Variants in CNTNAP2 observed in about 807,000 individuals in gnomAD.
CNTNAP2 encodes contactin associated protein 2, also known as contactin-associated protein-like 2.
CNTNAP2 carries 98 observed loss-of-function variants against 155.2 expected under a neutral mutation model. That is an observed-to-expected ratio of 0.63 (90% confidence interval 0.54 to 0.75). The LOEUF (loss-of-function observed/expected upper bound fraction) is 0.75, where lower values mean the gene tolerates loss of function less well. CNTNAP2 is among the 30% of genes least tolerant of loss of function. CNTNAP2 has a pLI of 0.00. For missense variants in CNTNAP2, 1,727 were observed against 1,688.1 expected, an observed-to-expected ratio of 1.02 and a Z score of -0.40; for synonymous variants, 651 against 631.2, an observed-to-expected ratio of 1.03 and a Z score of -0.47.
chr7:147,174,637 G>A (rs544652963), intron 8 of CNTNAP2, among the ~76,000 whole-genome samples: 15 of 152,146 alleles, frequency 9.9e-5, no homozygotes, highest in South Asian at 4.1e-4. Context: ...CTGACTTTAC[G>A]GTGCTTTCTA....
chr7:148,349,476 A>C (rs865867532), intron 21 of CNTNAP2, among the ~76,000 whole-genome samples: 2 of 141,978 alleles, frequency 1.4e-5, no homozygotes, highest in Middle Eastern at 7.7e-3. Flanking sequence ...ATCTCGGCTC[A>C]CTGCAAGCTT....
At chr7:146,998,925 A>G (rs1168649264) in intron 3 of CNTNAP2, among the ~76,000 whole-genome samples, 1 of 151,934 alleles carries the variant, frequency 6.6e-6, no homozygotes, top group Non-Finnish European at 1.5e-5. Flanking sequence ...ATTTCAACAT[A>G]TAATTGAGTC....
intron 2 of CNTNAP2, among the ~76,000 whole-genome samples, chr7:146,831,986 A>G (rs532411302): frequency 1.3e-5 from 2 of 152,224 alleles, no homozygotes; most frequent in African/African-American, 4.8e-5. Context: ...GCCACTGCCA[A>G]TTTTCCTACT....
chr7:147,441,382 T>C (rs1421814971), intron 10 of CNTNAP2, among the ~76,000 whole-genome samples: 1 of 152,172 alleles, frequency 6.6e-6, no homozygotes, highest in African/African-American at 2.4e-5. Context: ...TGAATTTCTT[T>C]GAGTTTCCTC....
chr7:147,066,155 A>G (rs986598085), intron 4 of CNTNAP2, among the ~76,000 whole-genome samples: 6 of 152,230 alleles, frequency 3.9e-5, no homozygotes, highest in African/African-American at 1.2e-4. Flanking sequence ...CTGACCTATT[A>G]TTTAATTAGA....
intron 10 of CNTNAP2, among the ~76,000 whole-genome samples, chr7:147,413,024 C>T (rs938083907): frequency 5.9e-5 from 9 of 152,198 alleles, no homozygotes; most frequent in Admixed American, 1.3e-4. Context: ...AATGGAAACT[C>T]GTGTCAACTC....
intron 15 of CNTNAP2, among the ~76,000 whole-genome samples, chr7:148,072,416 TA>T (rs149329152): frequency 7.3e-5 from 11 of 151,598 alleles, no homozygotes; most frequent in African/African-American, 2.2e-4. Context: ...AAGGTATGTT[TA>T]AAAAAAAATG....
At chr7:146,777,827 C>A (rs1275361189) in intron 2 of CNTNAP2, among the ~76,000 whole-genome samples, 7 of 151,984 alleles carry the variant, frequency 4.6e-5, no homozygotes, top group Admixed American at 3.9e-4. Context: ...TGCAAATGCC[C>A]TTGGGAGAAG....
At chr7:148,092,893 A>C (rs1803875022) in intron 15 of CNTNAP2, among the ~76,000 whole-genome samples, 1 of 151,318 alleles carries the variant, frequency 6.6e-6, no homozygotes. Flanking sequence ...AAAAAAAAAA[A>C]AAAAAACAAC....
intron 3 of CNTNAP2, among the ~76,000 whole-genome samples, chr7:146,943,762 T>C (rs1312040339): frequency 6.6e-6 from 1 of 152,114 alleles, no homozygotes; most frequent in African/African-American, 2.4e-5. Flanking sequence ...TCATTCAAGA[T>C]TTACAGTATT....
chr7:147,841,967 C>T (rs1798740828), intron 13 of CNTNAP2, among the ~76,000 whole-genome samples: 1 of 147,046 alleles, frequency 6.8e-6, no homozygotes, highest in East Asian at 2.0e-4. Context: ...AATTATAAAC[C>T]AAACTGAATT....
intron 8 of CNTNAP2, among the ~76,000 whole-genome samples, chr7:147,225,969 AAGAG>A (rs755570634): frequency 5.9e-5 from 9 of 151,906 alleles, no homozygotes; most frequent in African/African-American, 9.7e-5. Flanking sequence ...GAAAGGAAGA[AAGAG>A]AGAAAGAAAG....
At chr7:146,494,656 A>G (rs1327930204) in intron 1 of CNTNAP2, among the ~76,000 whole-genome samples, 1 of 152,188 alleles carries the variant, frequency 6.6e-6, no homozygotes, top group Non-Finnish European at 1.5e-5. Flanking sequence ...ATTCATTTAT[A>G]CTGACTGAAA....
At chr7:146,973,308 G>T (rs369029719) in intron 3 of CNTNAP2, among the ~76,000 whole-genome samples, 93 of 152,214 alleles carry the variant, frequency 6.1e-4, no homozygotes, top group Middle Eastern at 3.4e-3. Flanking sequence ...GATTACAGGC[G>T]TGAGCCACCG....
intron 12 of CNTNAP2, among the ~76,000 whole-genome samples, chr7:147,615,108 A>G (rs1315153237): frequency 5.4e-5 from 8 of 148,786 alleles, no homozygotes; most frequent in Non-Finnish European, 1.0e-4. Flanking sequence ...AAAAAAAAGA[A>G]AAGAAAAAAG....
Position 146,321,308 on chromosome 7 carries a change from G to C in CNTNAP2, c.97+204335G>C, listed in dbSNP as rs76571972. 2.1e-3 allele frequency among the ~76,000 whole-genome samples: 327 copies of C among 152,214 alleles called. 1 individual carries two copies. Among genetic ancestry groups the C allele is most frequent in the Middle Eastern group, 0.01 (3 of 294 alleles). ...ATATAAATTATGAAAGAATTAAAACGAGAAGTTTTTAAATTTGTTTTACTT... is the reference window on the plus strand; with the variant it reads ...ATATAAATTATGAAAGAATTAAAACCAGAAGTTTTTAAATTTGTTTTACTT... On this transcript the variant is annotated intron_variant, in intron 1 of 23. Coordinates refer to ENST00000361727, the MANE Select transcript of CNTNAP2 (RefSeq NM_014141.6).
chr7:146,161,961 G>A (rs1224737003), intron 1 of CNTNAP2, among the ~76,000 whole-genome samples: 1 of 152,172 alleles, frequency 6.6e-6, no homozygotes, highest in African/African-American at 2.4e-5. Flanking sequence ...CTAGCCATAT[G>A]TAGAAAGCTG....
chr7:146,571,422 A>G (rs1798438175), intron 1 of CNTNAP2, among the ~76,000 whole-genome samples: 1 of 152,126 alleles, frequency 6.6e-6, no homozygotes, highest in South Asian at 2.1e-4. Context: ...GTCAACTTTA[A>G]CGCCACCAAA....
intron 3 of CNTNAP2, among the ~76,000 whole-genome samples, chr7:146,875,579 G>A (rs1795401822): frequency 6.6e-6 from 1 of 152,030 alleles, no homozygotes; most frequent in South Asian, 2.1e-4. Flanking sequence ...CAGAGCCCCT[G>A]TCTTCCAGCT....
Sources: gnomAD v4.1 joint callset for allele counts (sites outside exome capture counted in the v4.1 genomes callset) on GRCh38, gnomAD v4.1.1 for gene constraint, MANE v1.5 for transcripts, NCBI Gene and HGNC (gene_info 2026-07-23, HGNC 2026-07-21) for gene names.